AUH: variants seen among roughly 807,000 people sequenced by gnomAD.
The protein encoded by AUH is methylglutaconyl-CoA hydratase, mitochondrial.
Under a neutral mutation model 42.3 loss-of-function variants are expected in AUH, and 29 were observed. The observed-to-expected ratio is 0.69, with a 90% CI of 0.51 to 0.93. The LOEUF is 0.93. Among genes scored for constraint, AUH ranks in the 40% least tolerant of loss-of-function variants. The probability of loss-of-function intolerance (pLI) is 0.00; values close to 1 mark genes in which losing one functional copy is unlikely to be tolerated. For missense variants in AUH, 452 were observed against 438.1 expected (o/e 1.03, Z -0.28); for synonymous variants, 174 against 166.4 (o/e 1.05, Z -0.35).
Position 91,214,421 on chromosome 9 carries a change from A to G in AUH, c.947T>C (p.Ile316Thr). 1 of 1,605,520 alleles carries G rather than the reference A, an allele frequency of 6.2e-7. No homozygotes were observed. Among genetic ancestry groups the G allele is most frequent in the Non-Finnish European group, 8.5e-7 (1 of 1,175,236 alleles). ...AIEEACYAQT[I>T]PTKDRLEGLL... ...ACCTTCAAGTCTGTCTTTTGTTGGA[A>G]TGGTCTAAGAAAAACAAAATATTAA... The change falls in exon 10 of 10, where the codon ATT becomes ACT. Residue 316 changes from isoleucine to threonine, a missense_variant. By Grantham distance (89) the Ile-to-Thr change is moderately conservative. Transcript: ENST00000375731.
At chr9:91,305,301 T>C (rs1828124601) in intron 4 of AUH, among the ~76,000 whole-genome samples, 1 of 152,204 alleles carries the variant, frequency 6.6e-6, no homozygotes, top group African/African-American at 2.4e-5. Flanking sequence ...TTCTCTACTT[T>C]ATTACTAACA....
intron 4 of AUH, among the ~76,000 whole-genome samples, chr9:91,313,193 TAA>T (rs1258902334): frequency 6.6e-6 from 1 of 152,200 alleles, no homozygotes; most frequent in Non-Finnish European, 1.5e-5. Flanking sequence ...GCTTCCTTAA[TAA>T]AGTTTCAATT....
At chr9:91,235,192 G>A (rs1828107872) in intron 6 of AUH, among the ~76,000 whole-genome samples, 1 of 152,140 alleles carries the variant, frequency 6.6e-6, no homozygotes, top group Non-Finnish European at 1.5e-5. Flanking sequence ...GTAAGATTGG[G>A]GGAGAAGAGA....
At chr9:91,357,450 T>C in intron 1 of AUH, 2 of 942,312 alleles carry the variant, frequency 2.1e-6, no homozygotes, top group Middle Eastern at 5.4e-4. Flanking sequence ...TAAGACTAGA[T>C]GTGTCCATTC....
intron 1 of AUH, among the ~76,000 whole-genome samples, chr9:91,359,439 T>G (rs1832683244): frequency 6.6e-6 from 1 of 152,180 alleles, no homozygotes; most frequent in Non-Finnish European, 1.5e-5. Flanking sequence ...GTTGGAGCTA[T>G]TCTACATAAA....
chr9:91,249,292 C>CAAAAAAA lies in AUH; in HGVS notation c.656-28307_656-28301dup, dbSNP rs59102669. On this transcript the variant is annotated intron_variant, in intron 6 of 9. Transcript: ENST00000375731. ...TGCCTGGGCGACAGAGAACCTGTCT[C>CAAAAAAA]AAAAAAAAAAAAAAAAAAAAAAAAA... Among the ~76,000 whole-genome samples the CAAAAAAA allele has an allele frequency of 8.3e-4, 27 of 32,530 alleles. 1 individual carries two copies. Among genetic ancestry groups the CAAAAAAA allele is most frequent in the East Asian group, 2.3e-3 (3 of 1,320 alleles). The allele number at this position is 32,530 out of a possible 152,430, so 21.3% of individuals were successfully genotyped here.
At chr9:91,339,594 T>C (rs926912466) in intron 3 of AUH, among the ~76,000 whole-genome samples, 1 of 152,204 alleles carries the variant, frequency 6.6e-6, no homozygotes, top group African/African-American at 2.4e-5. Context: ...TAATGTAATT[T>C]ATCTACTTAT....
At chr9:91,298,109 A>C in intron 4 of AUH, 33 bp from the exon 5 acceptor site, 1 of 1,502,868 alleles carries the variant, frequency 6.7e-7, no homozygotes, top group Non-Finnish European at 9.3e-7. Context: ...TGCTTCCTTA[A>C]TAAGATTATT....
At chr9:91,223,184 T>G (rs1827232926) in intron 6 of AUH, among the ~76,000 whole-genome samples, 2 of 152,204 alleles carry the variant, frequency 1.3e-5, no homozygotes, top group Admixed American at 1.3e-4. Flanking sequence ...TCTGACCCAT[T>G]GAAAACAATG....
chr9:91,261,027 T>C (rs1829681217), intron 6 of AUH, among the ~76,000 whole-genome samples: 1 of 152,204 alleles, frequency 6.6e-6, no homozygotes, highest in Non-Finnish European at 1.5e-5. Flanking sequence ...ATTTCTCTTA[T>C]TAGTTTTTTT....
chr9:91,220,822 T>C lies in AUH; in HGVS notation c.826A>G (p.Arg276Gly), dbSNP rs1827088715. ...AAYRKALDLA[R>G]EFLPQGPVAM... Reference sequence around the variant, plus strand: ...AGAAATACCTGAGGTAAAAACTCTCTCGCCAGGTCCAAGGCCTTCCTGTAG... The same window carrying C: ...AGAAATACCTGAGGTAAAAACTCTCCCGCCAGGTCCAAGGCCTTCCTGTAG... Residue 276 changes from arginine (R) to glycine (G), a missense_variant, in exon 7 of 10, where the codon AGA (arginine) becomes GGA (glycine). Coordinates refer to ENST00000375731, the MANE Select transcript of AUH (RefSeq NM_001698.3). 5 of 1,614,098 alleles carry C rather than the reference T, an allele frequency of 3.1e-6. No homozygotes were observed. In the South Asian group the frequency reaches 4.4e-5, roughly 14 times the overall value.
chr9:91,279,726 C>G (rs114748260), intron 6 of AUH, among the ~76,000 whole-genome samples: 1 of 152,172 alleles, frequency 6.6e-6, no homozygotes, highest in Admixed American at 6.5e-5. Context: ...GGCCCCTCCT[C>G]CAACACTGCG....
At chr9:91,295,745 C>T (rs1268197944) in intron 6 of AUH, among the ~76,000 whole-genome samples, 2 of 152,200 alleles carry the variant, frequency 1.3e-5, no homozygotes, top group African/African-American at 4.8e-5. Flanking sequence ...GTACTGCATG[C>T]TTAACAGACT....
chr9:91,336,061 C>A (rs185138647), intron 3 of AUH, among the ~76,000 whole-genome samples: 135 of 152,200 alleles, frequency 8.9e-4, no homozygotes, highest in Non-Finnish European at 1.5e-3. Context: ...CCAATGGACT[C>A]CTTAGATCTT....
chr9:91,246,130 C>T (rs182048376), intron 6 of AUH, among the ~76,000 whole-genome samples: 2 of 152,292 alleles, frequency 1.3e-5, no homozygotes, highest in East Asian at 1.9e-4. Context: ...TTCCTGCCTC[C>T]TCTCCTCCCA....
chr9:91,335,051 C>T lies in AUH; in HGVS notation c.419-9647G>A, dbSNP rs114584059. On this transcript the variant is annotated intron_variant, in intron 3 of 9. Transcript: ENST00000375731. Reference sequence around the variant, plus strand: ...CTGTTTTTCTTTCCCGCTGCTCTTACGTGGTGGTTGTCAGGGGTACCCTAG... The same window carrying T: ...CTGTTTTTCTTTCCCGCTGCTCTTATGTGGTGGTTGTCAGGGGTACCCTAG... Among the ~76,000 whole-genome samples the T allele has an allele frequency of 9.5e-3, 1,450 of 152,224 alleles. 25 individuals carry two copies. Among genetic ancestry groups the T allele is most frequent in the African/African-American group, 0.033 (1,372 of 41,534 alleles).
intron 6 of AUH, among the ~76,000 whole-genome samples, chr9:91,285,514 T>C (rs867250991): frequency 2.6e-5 from 4 of 152,060 alleles, no homozygotes; most frequent in Admixed American, 6.6e-5. Context: ...TCTGAACTCA[T>C]TGACTCCCAG....
At chr9:91,331,822 C>T (rs12683737) in intron 3 of AUH, among the ~76,000 whole-genome samples, 35,393 of 152,062 alleles carry the variant, frequency 0.23, 4,475 homozygotes, top group East Asian at 0.39. Flanking sequence ...ACACTATTCT[C>T]TGTTATGCAC....
chr9:91,272,917 T>C (rs1024605526), intron 6 of AUH, among the ~76,000 whole-genome samples: 2 of 152,168 alleles, frequency 1.3e-5, no homozygotes. Flanking sequence ...AAATACTGAC[T>C]ACATAACATT....
Sources: allele counts gnomAD v4.1 joint callset (sites outside exome capture counted in the v4.1 genomes callset), GRCh38; gene constraint gnomAD v4.1.1; transcripts MANE v1.5; gene names NCBI Gene and HGNC (gene_info 2026-07-23, HGNC 2026-07-21).